Variants in NCOA1 observed in about 807,000 individuals in gnomAD.
The protein encoded by NCOA1 is nuclear receptor coactivator 1.
NCOA1 carries 35 observed loss-of-function variants against 150.9 expected under a neutral mutation model. The ratio of observed to expected loss-of-function variants is 0.23; its 90% confidence interval spans 0.18 to 0.31. The LOEUF (loss-of-function observed/expected upper bound fraction) is 0.31, where lower values mean the gene tolerates loss of function less well. Ranked by LOEUF, NCOA1 falls within the 10% of genes least tolerant of loss-of-function variation. The pLI is 1.00. For synonymous variants in NCOA1, 590 were observed against 630.0 expected, an observed-to-expected ratio of 0.94 and a Z score of 0.95; for missense variants, 1,491 against 1,749.3, an observed-to-expected ratio of 0.85 and a Z score of 2.63.
At chr2:24,634,750 C>T (rs1348359606) in intron 3 of NCOA1, among the ~76,000 whole-genome samples, 2 of 134,196 alleles carry the variant, frequency 1.5e-5, no homozygotes, top group Non-Finnish European at 3.1e-5. Flanking sequence ...CACACTCTTT[C>T]GCCTAGGCTG....
At chr2:24,759,728 G>C (rs889969139) in intron 21 of NCOA1, among the ~76,000 whole-genome samples, 1 of 151,936 alleles carries the variant, frequency 6.6e-6, no homozygotes, top group Non-Finnish European at 1.5e-5. Context: ...CTCATGTATA[G>C]AGGTGTATAT....
intron 5 of NCOA1, among the ~76,000 whole-genome samples, chr2:24,663,369 A>C (rs997320337): frequency 1.3e-5 from 2 of 152,082 alleles, no homozygotes; most frequent in African/African-American, 4.8e-5. Context: ...GTCTTGCTGC[A>C]TAGTATTGTA....
rs528682194 is a variant in NCOA1, at chr2:24,570,102, C to T, written c.-260+5672C>T. 5.1e-5 allele frequency among the ~76,000 whole-genome samples: 7 copies of T among 136,632 alleles called. No individual in the cohort carries two copies. In the East Asian group the frequency reaches 9.1e-4, roughly 18 times the overall value. The allele number at this position is 136,632 out of a possible 152,430, so 89.6% of individuals were successfully genotyped here. On this transcript the variant is annotated intron_variant, in intron 2 of 22. Coordinates refer to ENST00000348332, the MANE Select transcript of NCOA1 (RefSeq NM_003743.5). ...TCAAAGGAATGCTGAAATTAAAAAT[C>T]AGTGAGAAGTCTTGCTATATAATTT...
intron 1 of NCOA1, among the ~76,000 whole-genome samples, chr2:24,552,354 T>TATATATATATATA (rs1491126634): frequency 4.4e-4 from 15 of 34,360 alleles, no homozygotes; most frequent in Admixed American, 9.4e-4. Context: ...TATATATATA[T>TATATATATATATA]TTTTTTTTTT....
At chr2:24,502,515 A>G (rs1367803550) in intron 1 of NCOA1, among the ~76,000 whole-genome samples, 1 of 152,110 alleles carries the variant, frequency 6.6e-6, no homozygotes, top group African/African-American at 2.4e-5. Context: ...TTTTACTTTA[A>G]TGGTACTGTT....
chr2:24,646,612 T>A (rs976810603), intron 4 of NCOA1, among the ~76,000 whole-genome samples: 1 of 151,934 alleles, frequency 6.6e-6, no homozygotes, highest in Non-Finnish European at 1.5e-5. Flanking sequence ...TGTACAATGG[T>A]CCTCATTTCA....
At chr2:24,611,686 C>CT (rs1668636989) in intron 3 of NCOA1, among the ~76,000 whole-genome samples, 1 of 152,092 alleles carries the variant, frequency 6.6e-6, no homozygotes, top group African/African-American at 2.4e-5. Flanking sequence ...CTTCTTTGTT[C>CT]TTTTTTTACT....
intron 3 of NCOA1, among the ~76,000 whole-genome samples, chr2:24,615,045 T>C (rs1668813682): frequency 2.0e-5 from 3 of 152,210 alleles, no homozygotes; most frequent in South Asian, 4.1e-4. Context: ...AGAATTGTTA[T>C]TTGAATCCAA....
intron 1 of NCOA1, among the ~76,000 whole-genome samples, chr2:24,504,617 C>A (rs1216081356): frequency 6.6e-6 from 1 of 152,194 alleles, no homozygotes; most frequent in Non-Finnish European, 1.5e-5. Flanking sequence ...AAAGAACTTA[C>A]AAGCACTGAA....
intron 1 of NCOA1, among the ~76,000 whole-genome samples, chr2:24,505,208 C>T (rs1199613271): frequency 4.0e-5 from 6 of 148,352 alleles, no homozygotes; most frequent in East Asian, 2.0e-4. Flanking sequence ...TTTTTTGAGA[C>T]GGAGTTTTGC....
At chr2:24,524,355 G>A (rs2148145569) in intron 1 of NCOA1, among the ~76,000 whole-genome samples, 1 of 152,274 alleles carries the variant, frequency 6.6e-6, no homozygotes, top group East Asian at 1.9e-4. Context: ...GTGGAATGCA[G>A]TGACAAATCA....
intron 16 of NCOA1, among the ~76,000 whole-genome samples, chr2:24,728,793 A>C (rs751020841): frequency 6.6e-6 from 1 of 152,222 alleles, no homozygotes; most frequent in Non-Finnish European, 1.5e-5. Context: ...CTGCCAGTAT[A>C]TTCCATGGTA....
chr2:24,675,522 G>A (rs967051050), intron 7 of NCOA1, among the ~76,000 whole-genome samples: 1 of 152,200 alleles, frequency 6.6e-6, no homozygotes, highest in Non-Finnish European at 1.5e-5. Flanking sequence ...GCTTTGTGTA[G>A]TGGGGAAGAA....
At chr2:24,730,114 G>A (rs2148642888) in intron 17 of NCOA1, among the ~76,000 whole-genome samples, 1 of 152,206 alleles carries the variant, frequency 6.6e-6, no homozygotes, top group East Asian at 1.9e-4. Flanking sequence ...AAAGTGCTGG[G>A]ATTACAGGCG....
chr2:24,660,532 G>A (rs1382055122), intron 5 of NCOA1, among the ~76,000 whole-genome samples: 1 of 151,880 alleles, frequency 6.6e-6, no homozygotes, highest in African/African-American at 2.4e-5. Flanking sequence ...ATGTAATACT[G>A]TATATATTTT....
intron 13 of NCOA1, among the ~76,000 whole-genome samples, chr2:24,710,652 A>G (rs1390360298): frequency 6.6e-6 from 1 of 152,164 alleles, no homozygotes; most frequent in Non-Finnish European, 1.5e-5. Flanking sequence ...TTTTTTATAC[A>G]TAGATTTTTG....
chr2:24,520,509 A>G (rs1251305509), intron 1 of NCOA1, among the ~76,000 whole-genome samples: 1 of 152,222 alleles, frequency 6.6e-6, no homozygotes, highest in African/African-American at 2.4e-5. Context: ...TGCATTCTGT[A>G]TGATTCCATT....
rs187413110 is a variant in NCOA1, at chr2:24,666,780, G to A, written c.256+865G>A. Among the ~76,000 whole-genome samples the A allele has an allele frequency of 2.0e-3, 305 of 152,076 alleles. 2 individuals carry two copies. The highest frequency in any genetic ancestry group is 0.01 in the Middle Eastern group (3 of 294). ...CCCAAGTAGCTGGGATTACAAGTGC[G>A]CGCCACTATGCCCAGCTAATTTTTG... is the stretch of plus-strand genomic sequence containing the variant. On this transcript the variant is annotated intron_variant, in intron 6 of 22. Transcript: ENST00000348332.
At chr2:24,639,914 G>GTGTA (rs1287866859) in intron 3 of NCOA1, among the ~76,000 whole-genome samples, 368 of 19,460 alleles carry the variant, frequency 0.019, 11 homozygotes, top group Non-Finnish European at 0.028. Context: ...GTATGTGTGT[G>GTGTA]TGTATATATA....
Sources: allele counts gnomAD v4.1 joint callset (sites outside exome capture counted in the v4.1 genomes callset), GRCh38; gene constraint gnomAD v4.1.1; transcripts MANE v1.5; gene names NCBI Gene and HGNC (gene_info 2026-07-23, HGNC 2026-07-21).